Variants in ATAD2 observed in about 807,000 individuals in gnomAD.
The protein encoded by ATAD2 is ATPase family AAA domain-containing protein 2.
A neutral mutation model predicts 168.9 loss-of-function variants in ATAD2; 62 were observed. The observed-to-expected ratio is 0.37, with a 90% CI of 0.30 to 0.45. The LOEUF (loss-of-function observed/expected upper bound fraction) is 0.45. ATAD2 is among the 20% of genes least tolerant of loss of function. ATAD2 has a pLI of 1.00. For missense variants in ATAD2, 1,419 were observed against 1,667.8 expected (o/e 0.85, Z 2.60); for synonymous variants, 613 against 571.6 (o/e 1.07, Z -1.03).
intron 18 of ATAD2, 45 bp from the exon 19 acceptor site, chr8:123,345,114 T>C: frequency 6.6e-7 from 1 of 1,508,272 alleles, no homozygotes; most frequent in South Asian, 1.3e-5. Context: ...GTCAGCACGT[T>C]AATAATGCTA....
At chr8:123,359,749 T>C in intron 9 of ATAD2, 64 bp from the exon 10 acceptor site, 4 of 1,082,122 alleles carry the variant, frequency 3.7e-6, no homozygotes, top group Non-Finnish European at 5.4e-6. Flanking sequence ...CCAAATTCCA[T>C]GTTTGAATAT....
rs370549201 is a variant in ATAD2, at chr8:123,369,931, T to A, written c.821A>T (p.Asp274Val). 15 of 1,581,258 alleles carry A rather than the reference T, an allele frequency of 9.5e-6. No homozygotes were observed. The highest frequency in any genetic ancestry group is 1.3e-5 in the Non-Finnish European group (15 of 1,153,864). The change falls in exon 7 of 28, where the codon GAT becomes GTT. Residue 274 changes from aspartate to valine, a missense_variant. Asp to Val is a radical substitution (Grantham distance 152). Transcript: ENST00000287394. The part of the protein sequence containing the change: ...DDDDDDDDDD[D>V]DDDEDDEDEE... ...ATCTTCATCATCTTCATCATCATCA[T>A]CATCATCATCATCGTCATCATCATC... is the stretch of plus-strand genomic sequence containing the variant.
intron 9 of ATAD2, among the ~76,000 whole-genome samples, chr8:123,360,108 A>G (rs528611952): frequency 6.6e-6 from 1 of 152,258 alleles, no homozygotes; most frequent in African/African-American, 2.4e-5. Flanking sequence ...GGAAGGTATT[A>G]TTATTTTCCC....
upstream of ATAD2, chr8:123,396,463 G>T: frequency 7.9e-7 from 1 of 1,266,024 alleles, no homozygotes; most frequent in Non-Finnish European, 1.0e-6. Context: ...CACAAGCTCC[G>T]CGCCAGCGGC....
At chr8:123,333,596 G>A (rs938419496) in intron 24 of ATAD2, among the ~76,000 whole-genome samples, 14 of 152,160 alleles carry the variant, frequency 9.2e-5, no homozygotes, top group Non-Finnish European at 2.1e-4. Flanking sequence ...AATAGGTAAC[G>A]TGGAGTTACC....
intron 1 of ATAD2, among the ~76,000 whole-genome samples, chr8:123,413,354 A>G (rs1813190459): frequency 6.6e-6 from 1 of 151,838 alleles, no homozygotes. Flanking sequence ...ATCTGTTTTC[A>G]TCGCTTTGAC....
chr8:123,396,279 C>T lies in ATAD2; in HGVS notation c.79G>A (p.Asp27Asn). 6.2e-7 allele frequency: 1 copy of T among 1,611,526 alleles called. No individual in the cohort carries two copies. ...CCGATGTGCTCCAGACTGAGGAAGT[C>T]ACTGGACAGGTCCAAGGAGCCCGTG... ...SATGSLDLSSDFLSLEHIGRR... is the reference protein window; with the variant it reads ...SATGSLDLSSNFLSLEHIGRR... Residue 27 changes from aspartate to asparagine, a missense_variant, in exon 1 of 28, where the codon GAC becomes AAC. Physicochemically the swap from Asp to Asn is conservative, Grantham distance 23 (BLOSUM62 1). Coordinates refer to ENST00000287394, the MANE Select transcript of ATAD2 (RefSeq NM_014109.4).
Position 123,322,383 on chromosome 8 carries a change from T to TATTG in ATAD2, c.4131+551_4131+554dup, listed in dbSNP as rs1368233906. Among the ~76,000 whole-genome samples the TATTG allele has an allele frequency of 5.3e-5, 8 of 152,302 alleles. No homozygotes were observed. The East Asian group carries it at 1.5e-3, about 29-fold the overall frequency. ...TCCACTATTTATTAAAGACACAAAC[T>TATTG]ATTGGCTGGGTGCAGTGGCTCACGT... On this transcript the variant is annotated intron_variant, in intron 27 of 27. Transcript: ENST00000287394.
At chr8:123,385,961 G>C (rs959369910) in intron 1 of ATAD2, among the ~76,000 whole-genome samples, 17 of 150,086 alleles carry the variant, frequency 1.1e-4, no homozygotes, top group Middle Eastern at 3.5e-3. Context: ...CTAGTCATTA[G>C]AGAAACGCAA....
chr8:123,383,382 C>T (rs1319034529), intron 1 of ATAD2, among the ~76,000 whole-genome samples: 1 of 152,008 alleles, frequency 6.6e-6, no homozygotes, highest in Non-Finnish European at 1.5e-5. Flanking sequence ...AAAAAAAGTT[C>T]TATCTCTCAC....
intron 1 of ATAD2, among the ~76,000 whole-genome samples, chr8:123,415,002 T>C (rs1813224919): frequency 6.6e-6 from 1 of 152,238 alleles, no homozygotes; most frequent in Non-Finnish European, 1.5e-5. Context: ...GTATAGGTCC[T>C]GTGTGATTTA....
At chr8:123,334,368 T>A in intron 22 of ATAD2, 46 bp from the exon 23 acceptor site, 1 of 1,446,398 alleles carries the variant, frequency 6.9e-7, no homozygotes, top group Non-Finnish European at 9.1e-7. Context: ...CCCCTTTTAA[T>A]AATATACCAA....
Position 123,326,741 on chromosome 8 carries a change from G to A in ATAD2, c.3869-715C>T, listed in dbSNP as rs563116580. 3.9e-4 allele frequency among the ~76,000 whole-genome samples: 60 copies of A among 152,248 alleles called. 1 individual carries two copies. In the South Asian group the frequency reaches 0.012, roughly 32 times the overall value. On this transcript the variant is annotated intron_variant, in intron 25 of 27. Coordinates refer to ENST00000287394, the MANE Select transcript of ATAD2 (RefSeq NM_014109.4). ...ACTGTCAATGTAGTTTTCCCAGCAGGGTTGAGTAGTTGTCACAGAGACCAA... is the reference window on the plus strand; with the variant it reads ...ACTGTCAATGTAGTTTTCCCAGCAGAGTTGAGTAGTTGTCACAGAGACCAA...
chr8:123,392,356 C>T (rs1228362377), intron 1 of ATAD2, among the ~76,000 whole-genome samples: 1 of 152,040 alleles, frequency 6.6e-6, no homozygotes, highest in Non-Finnish European at 1.5e-5. Flanking sequence ...AAATATGGTG[C>T]TTATGGTAAA....
chr8:123,375,313 A>G (rs1453413267), intron 2 of ATAD2, among the ~76,000 whole-genome samples: 3 of 152,246 alleles, frequency 2.0e-5, no homozygotes, highest in Non-Finnish European at 4.4e-5. Flanking sequence ...AGGGAAAGGT[A>G]AATCAGAACC....
In ATAD2 at chr8:123,346,252, A is replaced by G; in HGVS notation, c.2366T>C (p.Met789Thr). 2 of 1,602,056 alleles carry G rather than the reference A, an allele frequency of 1.2e-6. No individual in the cohort carries two copies. Among genetic ancestry groups the G allele is most frequent in the Non-Finnish European group, 1.7e-6 (2 of 1,176,596 alleles). ...TATCAATATTCTTGGTCGAAAAGAC[A>G]TAGGTTGGTAACAAGCATTTCTGAA... ...HLNRNACYQP[M>T]SFRPRILIVG... The change falls in exon 18 of 28, where the codon ATG (methionine) becomes ACG (threonine). Residue 789 changes from methionine to threonine, a missense_variant. Around this residue, in one of 5 missense-constraint regions of ATAD2, gnomAD observed 545 missense variants for 724.9 expected, o/e 0.75. Transcript: ENST00000287394.
chr8:123,370,009 C>T lies in ATAD2; in HGVS notation c.743G>A (p.Gly248Asp), dbSNP rs766730848. 6.2e-7 allele frequency: 1 copy of T among 1,601,618 alleles called. No individual in the cohort carries two copies. The change falls in exon 7 of 28, where the codon GGT becomes GAT. Residue 248 changes from glycine (G) to aspartate (D), a missense_variant. Gly to Asp is a moderately conservative substitution (Grantham distance 94). Around this residue, in one of 5 missense-constraint regions of ATAD2, gnomAD observed 419 missense variants for 423.5 expected, o/e 0.99. Transcript: ENST00000287394. ...QEGSVESSEE[G>D]EDQEHEDDGE... is the part of the protein sequence containing the mutation. ...ATCATCTTCATGTTCTTGGTCTTCACCCTCTTCAGATGACTCTACAATTAA... is the reference window on the plus strand; with the variant it reads ...ATCATCTTCATGTTCTTGGTCTTCATCCTCTTCAGATGACTCTACAATTAA...
At position 123,361,614 on chromosome 8, in the gene ATAD2, G is replaced by C; in HGVS notation, c.1082C>G (p.Thr361Ser). The change falls in exon 9 of 28, where the codon ACT (threonine) becomes AGT (serine). Residue 361 changes from threonine to serine, a missense_variant. Thr to Ser is a moderately conservative substitution (Grantham distance 58, BLOSUM62 1). This residue lies in a region of ATAD2 where 146 missense variants were observed against 188.3 expected (regional missense o/e 0.78). Transcript: ENST00000287394. ...TTCATCTTCAGAGGAGGAAGATGAA[G>C]TCGAGTCACTACTGTGGATTGCATG... ...RRHAIHSSDS[T>S]SSSSSEDEQH... 6.2e-7 allele frequency: 1 copy of C among 1,612,612 alleles called. No individual in the cohort carries two copies. Among genetic ancestry groups the C allele is most frequent in the South Asian group, 1.1e-5 (1 of 90,896 alleles).
chr8:123,346,301 T>C, intron 17 of ATAD2, 29 bp from the exon 18 acceptor site: 1 of 1,522,488 alleles, frequency 6.6e-7, no homozygotes, highest in Non-Finnish European at 8.8e-7. Flanking sequence ...ATAAGCTATG[T>C]TTTAGAAAAA....
Sources: gnomAD v4.1 joint callset for allele counts (sites outside exome capture counted in the v4.1 genomes callset) on GRCh38, gnomAD v4.1.1 for gene constraint, gnomAD v4.1.1 regional missense constraint, MANE v1.5 for transcripts, NCBI Gene and HGNC (gene_info 2026-07-23, HGNC 2026-07-21) for gene names.